The following PRKAG2 variants were observed in gnomAD, a reference collection of about 807,000 sequenced individuals.
PRKAG2 encodes the protein 5'-AMP-activated protein kinase subunit gamma-2.
Under a neutral mutation model 69.6 loss-of-function variants are expected in PRKAG2, and 26 were observed. The observed-to-expected ratio is 0.37, with a 90% confidence interval of 0.27 to 0.52. The LOEUF (loss-of-function observed/expected upper bound fraction) is 0.52. Ranked by LOEUF, PRKAG2 falls within the 20% of genes least tolerant of loss-of-function variation. The pLI is 0.90. For missense variants in PRKAG2, 557 were observed against 740.0 expected (o/e 0.75, Z 2.87); for synonymous variants, 293 against 285.0 (o/e 1.03, Z -0.28).
chr7:151,712,984 G>A (rs964668808), intron 3 of PRKAG2, among the ~76,000 whole-genome samples: 42 of 152,224 alleles, frequency 2.8e-4, no homozygotes, highest in African/African-American at 9.2e-4. Context: ...TGCTTGGAAC[G>A]TGCCAAGAGC....
At chr7:151,832,212 AGAGGAGGGGAGGAGGGAAGGAGAG>A (rs1446502756) in intron 1 of PRKAG2, among the ~76,000 whole-genome samples, 1 of 115,804 alleles carries the variant, frequency 8.6e-6, no homozygotes, top group African/African-American at 3.3e-5. Context: ...AGAGGGAGGA[AGAGGAGGGGAGGAGGGAAGGAGAG>A]GAGGAGGGAA....
At chr7:151,800,130 G>A (rs954662984) in intron 1 of PRKAG2, among the ~76,000 whole-genome samples, 5 of 151,930 alleles carry the variant, frequency 3.3e-5, no homozygotes, top group Non-Finnish European at 7.4e-5. Flanking sequence ...GGCCGAGGTG[G>A]GCGGATCATG....
chr7:151,839,694 G>A (rs1002695992), intron 1 of PRKAG2, among the ~76,000 whole-genome samples: 1 of 152,256 alleles, frequency 6.6e-6, no homozygotes, highest in African/African-American at 2.4e-5. Context: ...ACCTGGTCCT[G>A]ACTTGGGATC....
At chr7:151,794,631 G>A (rs2077410549) in intron 1 of PRKAG2, among the ~76,000 whole-genome samples, 1 of 152,270 alleles carries the variant, frequency 6.6e-6, no homozygotes, top group Non-Finnish European at 1.5e-5. Context: ...GGAAGCCAGG[G>A]CAGTTGCTCA....
At chr7:151,863,482 C>G (rs965647281) in intron 1 of PRKAG2, among the ~76,000 whole-genome samples, 2 of 152,140 alleles carry the variant, frequency 1.3e-5, no homozygotes, top group African/African-American at 4.8e-5. Context: ...ATCGCCCTTC[C>G]CCTCTGCTCA....
intron 3 of PRKAG2, among the ~76,000 whole-genome samples, chr7:151,773,054 GGA>G (rs2076143877): frequency 3.4e-5 from 1 of 29,560 alleles, no homozygotes; most frequent in Non-Finnish European, 6.7e-5. Flanking sequence ...AGAGAGAGAG[GGA>G]GGGAGGGAGG....
rs140298090 is a variant in PRKAG2, at chr7:151,836,253, G to A, written c.114+40254C>T. On this transcript the variant is annotated intron_variant, in intron 1 of 15. Coordinates refer to ENST00000287878, the MANE Select transcript of PRKAG2 (RefSeq NM_016203.4). This position sits in a 1 kb window ranked among gnomAD's most constrained non-coding sequence, Gnocchi z 4.1. The stretch of plus-strand genomic sequence containing the variant: ...AGAGACTCGGGGGAGCAGGGGCTGC[G>A]TCAGGACCCCCTTTCTGCCACCCCC... 8.0e-3 allele frequency among the ~76,000 whole-genome samples: 1,214 copies of A among 152,256 alleles called. 25 individuals are homozygous for A. The highest frequency in any genetic ancestry group is 0.028 in the African/African-American group (1,166 of 41,546).
intron 4 of PRKAG2, among the ~76,000 whole-genome samples, chr7:151,642,920 CA>C (rs1826968591): frequency 6.6e-6 from 1 of 152,180 alleles, no homozygotes; most frequent in African/African-American, 2.4e-5. Flanking sequence ...GCTATGTGCC[CA>C]GAACCAGGGT....
At chr7:151,856,655 G>GT (rs1337322826) in intron 1 of PRKAG2, among the ~76,000 whole-genome samples, 3 of 152,202 alleles carry the variant, frequency 2.0e-5, no homozygotes, top group African/African-American at 7.2e-5. Flanking sequence ...TGTGAAAGAC[G>GT]TTAAGTCTGG....
intron 3 of PRKAG2, among the ~76,000 whole-genome samples, chr7:151,739,717 C>G (rs1359333302): frequency 6.6e-6 from 1 of 152,110 alleles, no homozygotes; most frequent in African/African-American, 2.4e-5. Flanking sequence ...GTGATCCACC[C>G]GCCTTGGCCT....
At chr7:151,844,433 C>T (rs1233834665) in intron 1 of PRKAG2, among the ~76,000 whole-genome samples, 2 of 152,194 alleles carry the variant, frequency 1.3e-5, no homozygotes, top group East Asian at 3.8e-4. Flanking sequence ...TTTGGCGAGG[C>T]AGAGGTGGGA....
chr7:151,715,896 G>A (rs571479357), intron 3 of PRKAG2, among the ~76,000 whole-genome samples: 4 of 152,190 alleles, frequency 2.6e-5, no homozygotes, highest in East Asian at 1.9e-4. Flanking sequence ...ACAGGGCGGC[G>A]GTCCCATCTC....
At chr7:151,793,662 C>G (rs1403666661) in intron 1 of PRKAG2, among the ~76,000 whole-genome samples, 1 of 152,208 alleles carries the variant, frequency 6.6e-6, no homozygotes, top group Admixed American at 6.5e-5. Flanking sequence ...GGATCTCGCC[C>G]CAAGTGGTGA....
intron 6 of PRKAG2, among the ~76,000 whole-genome samples, chr7:151,580,475 CATAAAGCCAGAGTAATG>C (rs1175507017): frequency 1.3e-5 from 2 of 152,164 alleles, no homozygotes; most frequent in Non-Finnish European, 2.9e-5. Flanking sequence ...ATCAATACTG[CATAAAGCCAGAGTAATG>C]ATATCCTGTG....
intron 3 of PRKAG2, among the ~76,000 whole-genome samples, chr7:151,693,108 C>G (rs1386073227): frequency 6.6e-6 from 1 of 152,242 alleles, no homozygotes; most frequent in African/African-American, 2.4e-5. Context: ...GACTCAGTCA[C>G]CCGGCGCTCC....
chr7:151,811,071 G>A (rs377606618), intron 1 of PRKAG2, among the ~76,000 whole-genome samples: 1 of 152,160 alleles, frequency 6.6e-6, no homozygotes, highest in Non-Finnish European at 1.5e-5. Context: ...AAGAACAAAG[G>A]AACGACAGGG....
intron 3 of PRKAG2, among the ~76,000 whole-genome samples, chr7:151,677,279 C>T (rs1463352130): frequency 8.5e-5 from 13 of 152,086 alleles, no homozygotes; most frequent in Non-Finnish European, 1.3e-4. Flanking sequence ...CTCTGCCTCC[C>T]GGGTTCAAGC....
rs114050536 is a variant in PRKAG2 at position 151,622,132 on chromosome 7, C to T, written c.754+9937G>A. 4.8e-3 allele frequency among the ~76,000 whole-genome samples: 727 copies of T among 152,254 alleles called. 2 individuals are homozygous for T. Among genetic ancestry groups the T allele is most frequent in the African/African-American group, 0.013 (550 of 41,536 alleles). Reference sequence around the variant, plus strand: ...AGGTAAGTGAATATATTCAGCAAACCGCTGAGTCACAAGAGTGGCAGAGCA... The same window carrying T: ...AGGTAAGTGAATATATTCAGCAAACTGCTGAGTCACAAGAGTGGCAGAGCA... On this transcript the variant is annotated intron_variant, in intron 5 of 15. Transcript: ENST00000287878.
chr7:151,700,086 GA>G (rs1329477108), intron 3 of PRKAG2, among the ~76,000 whole-genome samples: 4 of 152,178 alleles, frequency 2.6e-5, no homozygotes, highest in Non-Finnish European at 5.9e-5. Context: ...CATCTCATAG[GA>G]AACAGGTCTT....
Sources: allele counts gnomAD v4.1 joint callset (sites outside exome capture counted in the v4.1 genomes callset), GRCh38; gene constraint gnomAD v4.1.1; non-coding constraint Gnocchi (gnomAD v3.1); transcripts MANE v1.5; gene names NCBI Gene and HGNC (gene_info 2026-07-23, HGNC 2026-07-21).